Variants in SORCS2 observed in about 807,000 individuals in gnomAD.
The protein encoded by SORCS2 is VPS10 domain-containing receptor SorCS2.
In SORCS2, 100 loss-of-function variants were observed where a neutral mutation model predicts 141.6. That is an observed-to-expected ratio of 0.71 (90% CI 0.60 to 0.83). The LOEUF (loss-of-function observed/expected upper bound fraction) is 0.83. Among genes scored for constraint, SORCS2 ranks in the 40% least tolerant of loss-of-function variants. SORCS2 has a pLI of 0.00. For missense variants in SORCS2, 1,646 were observed against 1,560.2 expected (o/e 1.05, Z -0.93); for synonymous variants, 789 against 676.9 (o/e 1.17, Z -2.57).
chr4:7,368,625 G>A (rs369588934), intron 1 of SORCS2, among the ~76,000 whole-genome samples: 26 of 152,336 alleles, frequency 1.7e-4, no homozygotes, highest in African/African-American at 6.0e-4. Context: ...CCCCATGGAG[G>A]GGACCACCTC....
intron 15 of SORCS2, among the ~76,000 whole-genome samples, chr4:7,713,670 G>A (rs921542551): frequency 1.3e-5 from 2 of 152,274 alleles, no homozygotes; most frequent in East Asian, 1.9e-4. Flanking sequence ...GAGGGCGATC[G>A]GATATCAAGG....
chr4:7,455,839 C>G lies in SORCS2; in HGVS notation c.548+59484C>G, dbSNP rs569665624. On this transcript the variant is annotated intron_variant, in intron 2 of 26. Transcript: ENST00000507866. ...CTCTGTGTTGGGGTCATGCTCTGTACTGGGTTCAGATTCTGTGTTAGCGTC... is the reference window on the plus strand; with the variant it reads ...CTCTGTGTTGGGGTCATGCTCTGTAGTGGGTTCAGATTCTGTGTTAGCGTC... Among the ~76,000 whole-genome samples, 31 of 152,254 alleles carry G rather than the reference C, an allele frequency of 2.0e-4. No homozygotes were observed. In the South Asian group the frequency reaches 6.2e-3, roughly 31 times the overall value.
chr4:7,729,833 T>A (rs1076226), intron 23 of SORCS2, 121 bp downstream of exon 23: 561,189 of 1,373,936 alleles, frequency 0.41, 117,662 homozygotes, highest in Admixed American at 0.54. Context: ...TCGCTGCATC[T>A]CAGTCTGACT....
chr4:7,382,735 CTGCAGGTCTGGGG>C (rs1181992416), intron 1 of SORCS2, among the ~76,000 whole-genome samples: 3 of 151,530 alleles, frequency 2.0e-5, no homozygotes, highest in Admixed American at 2.0e-4. Context: ...AGGGGATGGT[CTGCAGGTCTGGGG>C]GGCAGGGCTG....
At chr4:7,281,674 C>G (rs16839929) in intron 1 of SORCS2, among the ~76,000 whole-genome samples, 6,121 of 152,266 alleles carry the variant, frequency 0.04, 492 homozygotes, top group East Asian at 0.21. Context: ...CAGTGAGTGG[C>G]CAAACCCTAG....
chr4:7,587,757 G>A (rs1716636616), intron 3 of SORCS2, among the ~76,000 whole-genome samples: 2 of 152,130 alleles, frequency 1.3e-5, no homozygotes, highest in Admixed American at 6.5e-5. Context: ...GGCCCGTCAG[G>A]GACTGTTTGC....
chr4:7,479,606 G>T (rs1730505855), intron 2 of SORCS2, among the ~76,000 whole-genome samples: 1 of 152,230 alleles, frequency 6.6e-6, no homozygotes, highest in Non-Finnish European at 1.5e-5. Context: ...GGCTTGGCAG[G>T]GCTTGGGCCT....
intron 1 of SORCS2, among the ~76,000 whole-genome samples, chr4:7,384,922 C>T (rs1013384642): frequency 3.9e-5 from 6 of 152,204 alleles, no homozygotes; most frequent in Admixed American, 6.5e-5. Context: ...GGTCCAGGCT[C>T]GCCGGCTCAG....
intron 23 of SORCS2, among the ~76,000 whole-genome samples, chr4:7,731,250 A>G (rs1256699806): frequency 1.3e-5 from 2 of 152,250 alleles, no homozygotes; most frequent in Non-Finnish European, 2.9e-5. Flanking sequence ...TTAGGAACAA[A>G]TTAAACCAAG....
chr4:7,507,416 C>T (rs543544472), intron 2 of SORCS2, among the ~76,000 whole-genome samples: 17 of 152,166 alleles, frequency 1.1e-4, no homozygotes, highest in Non-Finnish European at 1.6e-4. Context: ...CTCCTGGGTC[C>T]GCCCCCCTCG....
At chr4:7,435,443 G>T (rs1437880657) in intron 2 of SORCS2, among the ~76,000 whole-genome samples, 1 of 152,266 alleles carries the variant, frequency 6.6e-6, no homozygotes, top group Non-Finnish European at 1.5e-5. Flanking sequence ...CCCAGCTGGG[G>T]TTCTGCCCCT....
intron 1 of SORCS2, among the ~76,000 whole-genome samples, chr4:7,297,848 G>A (rs1399819162): frequency 6.6e-6 from 1 of 152,118 alleles, no homozygotes; most frequent in African/African-American, 2.4e-5. Flanking sequence ...CTTTGTGCTG[G>A]CCCCACCGTC....
intron 4 of SORCS2, 60 bp from the exon 5 acceptor site, chr4:7,654,074 C>T: frequency 6.9e-7 from 1 of 1,449,866 alleles, no homozygotes; most frequent in Non-Finnish European, 9.5e-7. Context: ...CACCCTCTCT[C>T]AGAAGCAGCT....
intron 1 of SORCS2, among the ~76,000 whole-genome samples, chr4:7,299,557 G>C (rs1321964263): frequency 2.0e-5 from 3 of 152,240 alleles, no homozygotes; most frequent in African/African-American, 7.2e-5. Flanking sequence ...GCGAGAGCAT[G>C]TTAGATCCTG....
At chr4:7,269,048 G>A (rs73799439) in intron 1 of SORCS2, among the ~76,000 whole-genome samples, 8,352 of 152,206 alleles carry the variant, frequency 0.055, 737 homozygotes, top group African/African-American at 0.19. Context: ...CGGGGGTTGA[G>A]GTTGACGGGA....
rs371279943 is a variant in SORCS2 at position 7,664,323 on chromosome 4, A to G, written c.953-30A>G. ...CGTCTCTGGCTCCGGCTGGAGTCTG[A>G]CCGCCTGGGTCGGCGCCTCTCTCCT... On this transcript the variant is annotated intron_variant, in intron 6 of 26. Coordinates refer to ENST00000507866, the MANE Select transcript of SORCS2 (RefSeq NM_020777.3). The surrounding 1 kb of genome is among the most constrained non-coding windows in gnomAD (Gnocchi z 4.7). The G allele has an allele frequency of 1.3e-6, 2 of 1,589,936 alleles. No individual in the cohort carries two copies. Among genetic ancestry groups the G allele is most frequent in the African/African-American group, 1.3e-5 (1 of 74,316 alleles).
chr4:7,470,822 G>C (rs1470203557), intron 2 of SORCS2, among the ~76,000 whole-genome samples: 2 of 152,270 alleles, frequency 1.3e-5, no homozygotes, highest in Non-Finnish European at 2.9e-5. Context: ...TGCTTCACCT[G>C]CATGAGCTCA....
intron 18 of SORCS2, among the ~76,000 whole-genome samples, chr4:7,723,341 C>G (rs1377245374): frequency 1.3e-5 from 2 of 152,172 alleles, no homozygotes; most frequent in African/African-American, 4.8e-5. Context: ...CTTCCTGGCT[C>G]CATCCCTAGC....
At chr4:7,388,466 G>A (rs1425049683) in intron 1 of SORCS2, among the ~76,000 whole-genome samples, 6 of 152,150 alleles carry the variant, frequency 3.9e-5, no homozygotes, top group African/African-American at 1.2e-4. Flanking sequence ...TTTGAAATAG[G>A]TAATACAGCC....
Sources: allele counts gnomAD v4.1 joint callset (sites outside exome capture counted in the v4.1 genomes callset), GRCh38; gene constraint gnomAD v4.1.1; non-coding constraint Gnocchi (gnomAD v3.1); transcripts MANE v1.5; gene names NCBI Gene and HGNC (gene_info 2026-07-23, HGNC 2026-07-21).